SUPT6H: variants seen among roughly 807,000 people sequenced by gnomAD.
The protein encoded by SUPT6H is transcription elongation factor SPT6.
A neutral mutation model predicts 222.3 loss-of-function variants in SUPT6H; 11 were observed. That is an observed-to-expected ratio of 0.05 (90% confidence interval 0.03 to 0.08). SUPT6H has a LOEUF of 0.08. Ranked by LOEUF, SUPT6H falls within the 10% of genes least tolerant of loss-of-function variation. The pLI, the probability that SUPT6H is intolerant of heterozygous loss-of-function variation, is 1.00. For synonymous variants in SUPT6H, 762 were observed against 801.2 expected, an observed-to-expected ratio of 0.95 and a Z score of 0.83; for missense variants, 1,422 against 2,216.0, an observed-to-expected ratio of 0.64 and a Z score of 7.19.
rs1056222451 is a variant in SUPT6H, at chr17:28,673,389, A to G, written c.-13A>G. On this transcript the variant is annotated 5_prime_UTR_variant, in exon 2 of 37. Transcript: ENST00000314616. ...TCCCTAGTTATCTTCAGGCAGAGTG[A>G]GAAGCTGCAGCAATGTCTGATTTTG... The G allele has an allele frequency of 6.2e-7, 1 of 1,602,190 alleles. No homozygotes were observed. Among genetic ancestry groups the G allele is most frequent in the Non-Finnish European group, 8.6e-7 (1 of 1,169,358 alleles).
intron 27 of SUPT6H, among the ~76,000 whole-genome samples, chr17:28,693,301 A>G (rs2031757785): frequency 6.6e-6 from 1 of 152,056 alleles, no homozygotes; most frequent in South Asian, 2.1e-4. Context: ...TCTCTACTAA[A>G]AATACAAAAA....
chr17:28,667,159 A>T (rs2030074932), intron 1 of SUPT6H, among the ~76,000 whole-genome samples: 1 of 149,754 alleles, frequency 6.7e-6, no homozygotes, highest in Admixed American at 6.7e-5. Context: ...AGGTCAGGAG[A>T]TTGAGACTAT....
intron 5 of SUPT6H, 21 bp from the exon 6 acceptor site, chr17:28,675,380 A>C: frequency 2.5e-6 from 4 of 1,613,748 alleles, no homozygotes; most frequent in Non-Finnish European, 3.4e-6. Flanking sequence ...CTGAGCCCCA[A>C]CCCATCCTTT....
At chr17:28,687,597 C>A in intron 23 of SUPT6H, 126 bp downstream of exon 23, 1 of 1,084,582 alleles carries the variant, frequency 9.2e-7, no homozygotes, top group Non-Finnish European at 1.3e-6. Flanking sequence ...AATCACTCAG[C>A]TAGTGAGAGT....
At position 28,690,129 on chromosome 17, in the gene SUPT6H, G is replaced by T. The variant is rs1426080919; in HGVS notation, c.3390G>T (p.Leu1130=). The change falls in exon 26 of 37, where the codon CTG becomes CTT. Residue 1130 remains leucine, a synonymous_variant. Coordinates refer to ENST00000314616, the MANE Select transcript of SUPT6H (RefSeq NM_003170.5). ...HITLYDIRAE[L]SCRYKDLRTA... is the part of the protein sequence containing the mutation. ...CACTCTATGACATCCGGGCAGAGCT[G>T]AGCTGTCGATATAAGGACCTCCGGA... is the stretch of plus-strand genomic sequence containing the variant. 6.2e-7 allele frequency: 1 copy of T among 1,613,550 alleles called. No individual in the cohort carries two copies. The highest frequency in any genetic ancestry group is 1.1e-5 in the South Asian group (1 of 91,050).
intron 29 of SUPT6H, 27 bp downstream of exon 29, chr17:28,695,574 G>A: frequency 6.2e-7 from 1 of 1,601,684 alleles, no homozygotes; most frequent in Non-Finnish European, 8.5e-7. Flanking sequence ...CCATCTCTGT[G>A]CACCCTGCAT....
intron 30 of SUPT6H, among the ~76,000 whole-genome samples, 183 bp downstream of exon 30, chr17:28,697,265 C>T (rs780563199): frequency 2.0e-5 from 3 of 152,162 alleles, no homozygotes; most frequent in Non-Finnish European, 2.9e-5. Context: ...CCCCTCCTTC[C>T]GTGTCCTCCA....
intron 11 of SUPT6H, among the ~76,000 whole-genome samples, chr17:28,679,384 A>G (rs2030953848): frequency 6.6e-6 from 1 of 152,070 alleles, no homozygotes; most frequent in African/African-American, 2.4e-5. Flanking sequence ...AAAAAAAAAA[A>G]GAATTATAGC....
At chr17:28,683,571 G>A (rs768277112) in intron 16 of SUPT6H, 50 bp from the exon 17 acceptor site, 3 of 1,597,096 alleles carry the variant, frequency 1.9e-6, no homozygotes, top group East Asian at 4.5e-5. Flanking sequence ...TGGACATTGG[G>A]TGTCACCTTT....
intron 1 of SUPT6H, among the ~76,000 whole-genome samples, chr17:28,664,162 G>A (rs533863181): frequency 3.3e-5 from 5 of 151,942 alleles, no homozygotes; most frequent in African/African-American, 7.2e-5. Context: ...CCATTTCTCC[G>A]GCTGTTCCTT....
rs1231979772 is a variant in SUPT6H, at chr17:28,701,586, T to C, written c.5142T>C (p.Ala1714=). The C allele has an allele frequency of 6.2e-7, 1 of 1,613,568 alleles. No individual in the cohort carries two copies. The highest frequency in any genetic ancestry group is 1.3e-5 in the African/African-American group (1 of 74,924). ...TCGAAAGCACCCCCATGTCCATTGC[T>C]GGCGATGCCACCCCACTCCTGGACG... ...PMIESTPMSI[A]GDATPLLDEM... is the part of the protein sequence containing the mutation. Residue 1714 remains alanine, a synonymous_variant, in exon 37 of 37, where the codon GCT becomes GCC. Transcript: ENST00000314616.
chr17:28,664,763 C>T (rs2029916754), intron 1 of SUPT6H, among the ~76,000 whole-genome samples: 1 of 152,224 alleles, frequency 6.6e-6, no homozygotes, highest in African/African-American at 2.4e-5. Context: ...GTTTTCTCAT[C>T]ATTGCAAACC....
At chr17:28,698,855 G>A (rs1434365175) in intron 32 of SUPT6H, among the ~76,000 whole-genome samples, 3 of 152,060 alleles carry the variant, frequency 2.0e-5, no homozygotes, top group African/African-American at 7.2e-5. Flanking sequence ...TGAGAAGCCT[G>A]TTGACTCACC....
Position 28,675,182 on chromosome 17 carries a change from G to C in SUPT6H, c.538+20G>C, listed in dbSNP as rs2030668899. On this transcript the variant is annotated intron_variant, in intron 5 of 36. Coordinates refer to ENST00000314616, the MANE Select transcript of SUPT6H (RefSeq NM_003170.5). ...AGTCAGGTATGTTATATTGGGCAGG[G>C]AAGCCAGTGTTTGGATGGGTATTGG... 1.3e-6 allele frequency: 2 copies of C among 1,592,796 alleles called. No individual in the cohort carries two copies. The highest frequency in any genetic ancestry group is 1.1e-5 in the South Asian group (1 of 88,430).
intron 11 of SUPT6H, 183 bp from the exon 12 acceptor site, chr17:28,681,073 T>C (rs2031078849): frequency 1.6e-6 from 1 of 614,560 alleles, no homozygotes; most frequent in East Asian, 3.3e-5. Flanking sequence ...ATCTCCAGTC[T>C]GGGCAACAGA....
At chr17:28,691,785 G>A (rs2031658949) in intron 27 of SUPT6H, 2 of 151,742 alleles carry the variant, frequency 1.3e-5, no homozygotes, top group African/African-American at 2.4e-5. Context: ...AGGAGATGGA[G>A]CTTGCAGTGA....
intron 7 of SUPT6H, 113 bp downstream of exon 7, chr17:28,676,543 C>T (rs2030756837): frequency 6.7e-7 from 1 of 1,492,532 alleles, no homozygotes; most frequent in Non-Finnish European, 9.0e-7. Flanking sequence ...AACCTCATCT[C>T]ACCTGGGGCC....
At chr17:28,689,616 G>T (rs908606688) in intron 25 of SUPT6H, 55 bp downstream of exon 25, 1 of 1,559,040 alleles carries the variant, frequency 6.4e-7, no homozygotes, top group East Asian at 2.2e-5. Context: ...TGGCCAGGTT[G>T]GTAGGAGACT....
chr17:28,693,085 A>T (rs2031747279), intron 27 of SUPT6H, among the ~76,000 whole-genome samples: 1 of 151,904 alleles, frequency 6.6e-6, no homozygotes, highest in Admixed American at 6.6e-5. Context: ...TGGAAGGATC[A>T]CTCGAGCCTG....
Sources: gnomAD v4.1 joint callset for allele counts (sites outside exome capture counted in the v4.1 genomes callset) on GRCh38, gnomAD v4.1.1 for gene constraint, MANE v1.5 for transcripts, NCBI Gene and HGNC (gene_info 2026-07-23, HGNC 2026-07-21) for gene names.